PTCHD4: variants seen among roughly 807,000 people sequenced by gnomAD.
The protein encoded by PTCHD4 is patched domain containing 4.
Under a neutral mutation model 58.1 loss-of-function variants are expected in PTCHD4, and 33 were observed. The observed-to-expected ratio is 0.57, with a 90% CI of 0.43 to 0.76. The LOEUF is 0.76. PTCHD4 is among the 30% of genes least tolerant of loss of function. The probability of loss-of-function intolerance (pLI) is 0.00; values close to 1 mark genes in which losing one functional copy is unlikely to be tolerated. For missense variants in PTCHD4, 1,058 were observed against 1,027.1 expected, an observed-to-expected ratio of 1.03 and a Z score of -0.41; for synonymous variants, 478 against 409.6, an observed-to-expected ratio of 1.17 and a Z score of -2.02.
intron 1 of PTCHD4, among the ~76,000 whole-genome samples, chr6:48,083,580 C>A (rs946995537): frequency 1.3e-5 from 2 of 151,972 alleles, no homozygotes; most frequent in South Asian, 4.1e-4. Flanking sequence ...GAAGATTTAC[C>A]AGAATTATTC....
In PTCHD4 at chr6:47,864,274, C is replaced by T. The variant is rs1264408950; in HGVS notation, c.*14029G>A. Among the ~76,000 whole-genome samples the T allele has an allele frequency of 6.6e-6, 1 of 151,264 alleles. No homozygotes were observed. Among genetic ancestry groups the T allele is most frequent in the Non-Finnish European group, 1.5e-5 (1 of 67,784 alleles). ...GATACATGCTTAAGTGGGAGAATCG[C>T]TGCTCTATAAATGGAGCCCATTATT... On this transcript the variant is annotated 3_prime_UTR_variant, in exon 5 of 5. Transcript: ENST00000339488.
chr6:47,945,535 G>A (rs1766382925), intron 4 of PTCHD4, among the ~76,000 whole-genome samples: 1 of 151,778 alleles, frequency 6.6e-6, no homozygotes, highest in Non-Finnish European at 1.5e-5. Flanking sequence ...ATATTGTTTA[G>A]TTTTGCTTAT....
chr6:47,952,714 G>A (rs190188543), intron 4 of PTCHD4, among the ~76,000 whole-genome samples: 1 of 152,062 alleles, frequency 6.6e-6, no homozygotes, highest in African/African-American at 2.4e-5. Context: ...GTACGGATTT[G>A]TAGTTTAGGA....
At chr6:47,987,711 C>T (rs1768124320) in intron 4 of PTCHD4, among the ~76,000 whole-genome samples, 1 of 152,000 alleles carries the variant, frequency 6.6e-6, no homozygotes, top group Non-Finnish European at 1.5e-5. Flanking sequence ...CTTGGATTTC[C>T]AAAGCCATAG....
chr6:47,883,068 A>G lies in PTCHD4; in HGVS notation c.899-3132T>C, dbSNP rs142529893. The stretch of plus-strand genomic sequence containing the variant: ...AAATTTATTATACATCTTTGTACCT[A>G]TATAAATATCGATTGTATCCAGAAG... On this transcript the variant is annotated intron_variant, in intron 4 of 4. Transcript: ENST00000339488. Among the ~76,000 whole-genome samples the G allele has an allele frequency of 4.7e-3, 715 of 152,086 alleles. 6 individuals are homozygous for G. The highest frequency in any genetic ancestry group is 0.016 in the African/African-American group (683 of 41,550).
chr6:48,002,836 A>G (rs1768788043), intron 4 of PTCHD4, among the ~76,000 whole-genome samples: 1 of 151,900 alleles, frequency 6.6e-6, no homozygotes, highest in Non-Finnish European at 1.5e-5. Flanking sequence ...AATCTCTTGA[A>G]ATTACCCTTT....
chr6:47,873,705 G>T lies in PTCHD4; in HGVS notation c.*4598C>A, dbSNP rs1039078583. ...ATTTAAAATATTAGCATAAAGGTCC[G>T]CACCACAGTGATGATGTTCAATTTC... is the stretch of plus-strand genomic sequence containing the variant. On this transcript the variant is annotated 3_prime_UTR_variant, in exon 5 of 5. Transcript: ENST00000339488. Among the ~76,000 whole-genome samples, 1 of 151,566 alleles carries T rather than the reference G, an allele frequency of 6.6e-6. No homozygotes were observed. Among genetic ancestry groups the T allele is most frequent in the African/African-American group, 2.4e-5 (1 of 41,318 alleles).
chr6:48,096,472 C>T (rs748622843), intron 1 of PTCHD4, among the ~76,000 whole-genome samples: 10 of 151,958 alleles, frequency 6.6e-5, no homozygotes, highest in Non-Finnish European at 1.3e-4. Context: ...ATTAGCTGGG[C>T]GTGGTGGCGG....
rs1763423339 is a variant in PTCHD4 at position 47,861,461 on chromosome 6, A to G, written c.*16842T>C. On this transcript the variant is annotated 3_prime_UTR_variant, in exon 5 of 5. Transcript: ENST00000339488. ...GTATTAATTTCAAACAAAAAGATGTATACCCTCAAGGCTGTATCTGCTGTG... is the reference window on the plus strand; with the variant it reads ...GTATTAATTTCAAACAAAAAGATGTGTACCCTCAAGGCTGTATCTGCTGTG... Among the ~76,000 whole-genome samples, 2 of 151,956 alleles carry G rather than the reference A, an allele frequency of 1.3e-5. No homozygotes were observed. Among genetic ancestry groups the G allele is most frequent in the Admixed American group, 6.6e-5 (1 of 15,232 alleles).
intron 4 of PTCHD4, among the ~76,000 whole-genome samples, chr6:47,971,325 G>GA (rs940373569): frequency 2.0e-5 from 3 of 147,980 alleles, no homozygotes; most frequent in African/African-American, 7.4e-5. Context: ...TTGAAAGTAT[G>GA]ATTGCTGAAT....
rs946080587 is a variant in PTCHD4 at position 48,039,332 on chromosome 6, A to G, written c.417+28898T>C. Among the ~76,000 whole-genome samples, 7 of 152,300 alleles carry G rather than the reference A, an allele frequency of 4.6e-5. No individual in the cohort carries two copies. The South Asian group carries it at 1.4e-3, about 32-fold the overall frequency. The stretch of plus-strand genomic sequence containing the variant: ...TTCCATTTATATAATGTTCAAAAAT[A>G]GGAAAAACAGGATCATCTTATTTAG... On this transcript the variant is annotated intron_variant, in intron 3 of 4. Transcript: ENST00000339488.
intron 4 of PTCHD4, 112 bp from the exon 5 acceptor site, chr6:47,880,048 G>A: frequency 1.2e-6 from 1 of 852,340 alleles, no homozygotes; most frequent in Non-Finnish European, 1.7e-6. Flanking sequence ...AATCTTCAAA[G>A]GGCTGTGATC....
At chr6:47,991,584 A>C (rs528882833) in intron 4 of PTCHD4, among the ~76,000 whole-genome samples, 1 of 152,252 alleles carries the variant, frequency 6.6e-6, no homozygotes, top group African/African-American at 2.4e-5. Context: ...AAGATTATGT[A>C]TGAGCTGTAT....
At chr6:47,971,687 T>C (rs569752974) in intron 4 of PTCHD4, among the ~76,000 whole-genome samples, 3 of 152,304 alleles carry the variant, frequency 2.0e-5, no homozygotes, top group African/African-American at 7.2e-5. Context: ...TTACCTCCTA[T>C]GCTTCCTTCC....
At chr6:47,942,792 G>T (rs1340211713) in intron 4 of PTCHD4, among the ~76,000 whole-genome samples, 1 of 152,102 alleles carries the variant, frequency 6.6e-6, no homozygotes, top group Non-Finnish European at 1.5e-5. Flanking sequence ...GGGAGAGAGA[G>T]GAAAAAATAA....
chr6:47,933,308 AAAT>A (rs1250630426), intron 4 of PTCHD4, among the ~76,000 whole-genome samples: 1 of 152,250 alleles, frequency 6.6e-6, no homozygotes, highest in Non-Finnish European at 1.5e-5. Context: ...GCATGAAAGC[AAAT>A]AATAGTCATT....
At chr6:47,967,391 T>C (rs1308125719) in intron 4 of PTCHD4, among the ~76,000 whole-genome samples, 1 of 152,114 alleles carries the variant, frequency 6.6e-6, no homozygotes, top group African/African-American at 2.4e-5. Flanking sequence ...ATGGGCAGAG[T>C]AGATTTAGCA....
intron 1 of PTCHD4, among the ~76,000 whole-genome samples, chr6:48,076,355 A>G (rs766986813): frequency 7.9e-5 from 12 of 152,322 alleles, no homozygotes; most frequent in South Asian, 2.1e-4. Context: ...CCAAACTCCT[A>G]TTGATGATGA....
At chr6:48,058,400 T>C (rs1764492737) in intron 3 of PTCHD4, among the ~76,000 whole-genome samples, 1 of 152,224 alleles carries the variant, frequency 6.6e-6, no homozygotes, top group South Asian at 2.1e-4. Context: ...TTACTGTTTA[T>C]ATGTTTTGAC....
Sources: gnomAD v4.1 joint callset for allele counts (sites outside exome capture counted in the v4.1 genomes callset) on GRCh38, gnomAD v4.1.1 for gene constraint, MANE v1.5 for transcripts, NCBI Gene and HGNC (gene_info 2026-07-23, HGNC 2026-07-21) for gene names.